The following FRAS1 variants were observed in gnomAD, a reference collection of about 807,000 sequenced individuals.
The protein encoded by FRAS1 is Fraser extracellular matrix complex subunit 1.
FRAS1 carries 290 observed loss-of-function variants against 435.2 expected under a neutral mutation model. The observed-to-expected ratio is 0.67, with a 90% confidence interval of 0.61 to 0.73. The LOEUF is 0.73. Ranked by LOEUF, FRAS1 falls within the 30% of genes least tolerant of loss-of-function variation. FRAS1 has a pLI of 0.00. For synonymous variants in FRAS1, 1,800 were observed against 1,851.0 expected (o/e 0.97, Z 0.71); for missense variants, 4,860 against 5,001.5 (o/e 0.97, Z 0.85).
intron 2 of FRAS1, among the ~76,000 whole-genome samples, chr4:78,119,282 T>A (rs1012177956): frequency 1.3e-5 from 2 of 152,174 alleles, no homozygotes; most frequent in African/African-American, 4.8e-5. Flanking sequence ...TAGAGCTTCC[T>A]CCTCCCATCT....
chr4:78,527,694 G>A (rs542349499), intron 70 of FRAS1, among the ~76,000 whole-genome samples: 1 of 152,302 alleles, frequency 6.6e-6, no homozygotes, highest in East Asian at 1.9e-4. Context: ...GCTTGAGAGA[G>A]AGGCGAGAAA....
In FRAS1 at chr4:78,541,022, G is replaced by A; in HGVS notation, c.11937G>A (p.Leu3979=). ...HYCTVRNVNI[L]SEPEAAYTFK... ...GCACTGTGCGGAACGTCAACATCCT[G>A]AGTGAGCCTGAGGCGGCTTACACGT... is the stretch of plus-strand genomic sequence containing the variant. The change falls in exon 74 of 74, where the codon CTG becomes CTA. Residue 3979 remains leucine (L), a synonymous_variant. Transcript: ENST00000512123. 6.5e-7 allele frequency: 1 copy of A among 1,529,712 alleles called. No homozygotes were observed. The highest frequency in any genetic ancestry group is 1.7e-4 in the Middle Eastern group (1 of 5,720). 94.8% of individuals were successfully genotyped at this position (1,529,712 alleles called of 1,614,324 possible).
chr4:78,307,512 G>C (rs541493670), intron 14 of FRAS1, among the ~76,000 whole-genome samples: 1 of 152,224 alleles, frequency 6.6e-6, no homozygotes, highest in Admixed American at 6.5e-5. Flanking sequence ...GCGAGACTCC[G>C]TGGGCGTAGG....
chr4:78,534,667 C>A, intron 71 of FRAS1, 52 bp downstream of exon 71: 2 of 1,564,400 alleles, frequency 1.3e-6, no homozygotes, highest in South Asian at 2.3e-5. Context: ...ATATGAGAAG[C>A]TTTTGCTAAG....
At chr4:78,195,176 G>T (rs2110068783) in intron 2 of FRAS1, among the ~76,000 whole-genome samples, 1 of 152,330 alleles carries the variant, frequency 6.6e-6, no homozygotes, top group East Asian at 1.9e-4. Flanking sequence ...GTGTCAGTCT[G>T]CCCCTACTAG....
At chr4:78,192,642 G>A (rs62358212) in intron 2 of FRAS1, among the ~76,000 whole-genome samples, 48 of 152,112 alleles carry the variant, frequency 3.2e-4, no homozygotes, top group Middle Eastern at 3.4e-3. Flanking sequence ...TTTTTAGTAC[G>A]CCTATTTGAT....
intron 26 of FRAS1, among the ~76,000 whole-genome samples, chr4:78,378,925 T>C (rs1731892972): frequency 6.6e-6 from 1 of 152,148 alleles, no homozygotes; most frequent in Non-Finnish European, 1.5e-5. Flanking sequence ...GTGTCTTATC[T>C]AAGAAAGCAT....
chr4:78,181,730 A>T, intron 2 of FRAS1: 2 of 1,610,132 alleles, frequency 1.2e-6, no homozygotes, highest in Non-Finnish European at 1.7e-6. Flanking sequence ...AACTCGTCTT[A>T]TTCCTTCTTT....
At chr4:78,470,909 T>C (rs1719685001) in intron 51 of FRAS1, among the ~76,000 whole-genome samples, 1 of 152,188 alleles carries the variant, frequency 6.6e-6, no homozygotes, top group South Asian at 2.1e-4. Context: ...TCATATTTAT[T>C]GGCAATAAAT....
At chr4:78,217,253 G>A (rs946648289) in intron 2 of FRAS1, among the ~76,000 whole-genome samples, 17 of 152,092 alleles carry the variant, frequency 1.1e-4, no homozygotes, top group African/African-American at 3.9e-4. Flanking sequence ...TGTTTACTGT[G>A]TACTCATTCA....
chr4:78,132,301 T>A (rs1054519038), intron 2 of FRAS1, among the ~76,000 whole-genome samples: 2 of 152,210 alleles, frequency 1.3e-5, no homozygotes, highest in Non-Finnish European at 2.9e-5. Context: ...TTAGTGTTTA[T>A]ACAAGGAATC....
At chr4:78,440,187 C>T (rs1207962374) in intron 40 of FRAS1, among the ~76,000 whole-genome samples, 1 of 151,216 alleles carries the variant, frequency 6.6e-6, no homozygotes. Context: ...CCCGCCACCG[C>T]GCCCGGCTAA....
chr4:78,307,176 C>T (rs762244430), intron 14 of FRAS1, among the ~76,000 whole-genome samples: 1 of 152,168 alleles, frequency 6.6e-6, no homozygotes, highest in Non-Finnish European at 1.5e-5. Context: ...TTAGGCTGCT[C>T]GGGGGTCAGA....
intron 3 of FRAS1, among the ~76,000 whole-genome samples, chr4:78,243,410 T>C (rs959931962): frequency 1.3e-5 from 2 of 152,128 alleles, no homozygotes; most frequent in Admixed American, 1.3e-4. Context: ...CTGCAACCAC[T>C]TTCTAAACCA....
At chr4:78,305,442 G>C (rs1278028997) in intron 14 of FRAS1, among the ~76,000 whole-genome samples, 2 of 150,582 alleles carry the variant, frequency 1.3e-5, no homozygotes, top group African/African-American at 4.9e-5. Flanking sequence ...TCGTTGATCT[G>C]TCTAATGTTG....
intron 4 of FRAS1, among the ~76,000 whole-genome samples, chr4:78,247,455 GGC>G (rs1167170743): frequency 6.6e-6 from 1 of 151,978 alleles, no homozygotes; most frequent in Non-Finnish European, 1.5e-5. Flanking sequence ...TTTTTTTTAA[GGC>G]GAGACAAAAT....
intron 2 of FRAS1, among the ~76,000 whole-genome samples, chr4:78,145,019 C>T (rs1185111633): frequency 6.6e-6 from 1 of 152,160 alleles, no homozygotes; most frequent in African/African-American, 2.4e-5. Context: ...ATATTCATTT[C>T]TAATGCTTCC....
intron 20 of FRAS1, among the ~76,000 whole-genome samples, chr4:78,339,214 A>G (rs1034350843): frequency 1.3e-5 from 2 of 152,236 alleles, no homozygotes; most frequent in African/African-American, 4.8e-5. Flanking sequence ...TACAGTTTGC[A>G]TGTTTGAGTT....
chr4:78,300,363 C>A (rs1728325343), intron 14 of FRAS1, among the ~76,000 whole-genome samples: 1 of 152,156 alleles, frequency 6.6e-6, no homozygotes, highest in South Asian at 2.1e-4. Context: ...AATGAAGTCA[C>A]TTGAGAGACA....
Sources: allele counts gnomAD v4.1 joint callset (sites outside exome capture counted in the v4.1 genomes callset), GRCh38; gene constraint gnomAD v4.1.1; transcripts MANE v1.5; gene names NCBI Gene and HGNC (gene_info 2026-07-23, HGNC 2026-07-21).